Variants in SRD5A1 observed in about 807,000 individuals in gnomAD.
SRD5A1 encodes the protein steroid 5 alpha-reductase 1.
SRD5A1 carries 22 observed loss-of-function variants against 28.2 expected under a neutral mutation model. That is an observed-to-expected ratio of 0.78 (90% CI 0.56 to 1.12). The LOEUF (loss-of-function observed/expected upper bound fraction) is 1.12, where lower values mean the gene tolerates loss of function less well. Ranked by LOEUF, SRD5A1 falls within the 50% of genes most tolerant of loss-of-function variation. The pLI is 0.00. For synonymous variants in SRD5A1, 151 were observed against 135.0 expected (o/e 1.12, Z -0.82); for missense variants, 300 against 346.7 (o/e 0.87, Z 1.07).
intron 3 of SRD5A1, 54 bp downstream of exon 3, chr5:6,656,233 C>A: frequency 1.4e-6 from 2 of 1,446,898 alleles, no homozygotes; most frequent in Middle Eastern, 1.7e-4. Flanking sequence ...TGGTTCCTGG[C>A]TATTTTAGTG....
chr5:6,636,737 T>C (rs1389024643), intron 1 of SRD5A1, among the ~76,000 whole-genome samples: 1 of 152,204 alleles, frequency 6.6e-6, no homozygotes, highest in Non-Finnish European at 1.5e-5. Flanking sequence ...CATGTATTTA[T>C]TCAGCAAACA....
In SRD5A1 at chr5:6,635,282, C is replaced by T. The variant is rs966149204; in HGVS notation, c.293+1413C>T. ...ACATTCATCAGAGGCTTAGTGAGTA[C>T]TGTGTGCCTGAAACTCTTTACCATT... On this transcript the variant is annotated intron_variant, in intron 1 of 4. Transcript: ENST00000274192. Among the ~76,000 whole-genome samples, 42 of 152,174 alleles carry T rather than the reference C, an allele frequency of 2.8e-4. 1 individual carries two copies. Among genetic ancestry groups the T allele is most frequent in the Admixed American group, 6.5e-5 (1 of 15,272 alleles).
rs1739253339 is a variant in SRD5A1, at chr5:6,668,338, A to G, written c.*70A>G. 2 of 923,252 alleles carry G rather than the reference A, an allele frequency of 2.2e-6. No homozygotes were observed. Among genetic ancestry groups the G allele is most frequent in the African/African-American group, 1.7e-5 (1 of 58,290 alleles). The allele number at this position is 923,252 out of a possible 1,614,324, so 57.2% of individuals were successfully genotyped here. On this transcript the variant is annotated 3_prime_UTR_variant, in exon 5 of 5. Transcript: ENST00000274192. ...GCGCTTCTCTATGGACTTTGTAAAT[A>G]AGTTATATCTTTGTAATTTTCCTGC...
chr5:6,646,726 G>A (rs1738521319), intron 1 of SRD5A1, among the ~76,000 whole-genome samples: 1 of 151,828 alleles, frequency 6.6e-6, no homozygotes, highest in South Asian at 2.1e-4. Flanking sequence ...CAAAAAACCA[G>A]CTCCTAGATT....
chr5:6,668,210 T>G lies in SRD5A1; in HGVS notation c.722T>G (p.Leu241Arg), dbSNP rs747095770. 6.3e-7 allele frequency: 1 copy of G among 1,578,848 alleles called. No homozygotes were observed. Among genetic ancestry groups the G allele is most frequent in the South Asian group, 1.2e-5 (1 of 84,452 alleles). Residue 241 changes from leucine to arginine, a missense_variant, in exon 5 of 5, where the codon CTC becomes CGC. Coordinates refer to ENST00000274192, the MANE Select transcript of SRD5A1 (RefSeq NM_001047.4). The part of the protein sequence containing the change: ...GRAKEHHEWY[L>R]RKFEEYPKFR... ...TAATTTTTTTTTCTTAGGTGGTACC[T>G]CCGGAAATTTGAAGAGTATCCAAAG...
chr5:6,663,345 G>A (rs1049863212), intron 4 of SRD5A1, among the ~76,000 whole-genome samples: 1 of 152,238 alleles, frequency 6.6e-6, no homozygotes, highest in Admixed American at 6.5e-5. Flanking sequence ...TCCTGAAGAG[G>A]TAGGTGAATC....
intron 1 of SRD5A1, among the ~76,000 whole-genome samples, chr5:6,651,429 A>G (rs1364638865): frequency 6.6e-6 from 1 of 152,232 alleles, no homozygotes; most frequent in African/African-American, 2.4e-5. Context: ...ACAACAAGGC[A>G]GGAAGATCAC....
intron 2 of SRD5A1, among the ~76,000 whole-genome samples, chr5:6,655,628 C>T (rs539804120): frequency 1.3e-5 from 2 of 152,326 alleles, no homozygotes; most frequent in South Asian, 2.1e-4. Context: ...CAAGGGGTGA[C>T]GTACAGCCAG....
At chr5:6,654,249 G>A (rs2126541356) in intron 2 of SRD5A1, among the ~76,000 whole-genome samples, 1 of 151,812 alleles carries the variant, frequency 6.6e-6, no homozygotes, top group East Asian at 1.9e-4. Context: ...TAAAGACAGG[G>A]TTTCATCATG....
intron 1 of SRD5A1, among the ~76,000 whole-genome samples, chr5:6,641,921 A>G (rs1488210366): frequency 6.6e-6 from 1 of 152,238 alleles, no homozygotes. Flanking sequence ...TCTCCAAAAT[A>G]TAACACACTT....
chr5:6,667,016 G>C lies in SRD5A1; in HGVS notation c.714-1186G>C, dbSNP rs576909770. Among the ~76,000 whole-genome samples, 3 of 152,362 alleles carry C rather than the reference G, an allele frequency of 2.0e-5. No homozygotes were observed. In the East Asian group the frequency reaches 5.8e-4, roughly 29 times the overall value. ...GCCAGTGCCGCTGGCCCATGGGGAAGCTCTTCAGCACTTGCAAGTGCTGGA... is the reference window on the plus strand; with the variant it reads ...GCCAGTGCCGCTGGCCCATGGGGAACCTCTTCAGCACTTGCAAGTGCTGGA... On this transcript the variant is annotated intron_variant, in intron 4 of 4. Transcript: ENST00000274192.
In SRD5A1 at chr5:6,662,943, T is replaced by C. The variant is rs1364898898; in HGVS notation, c.690T>C (p.Ser230=). ...AFAFFTFCFL[S]GRAKEHHEWY... The stretch of plus-strand genomic sequence containing the variant: ...CTTTCTTCACGTTTTGTTTTTTATC[T>C]GGTAGAGCAAAAGAGCATCATGAGT... The change falls in exon 4 of 5, where the codon TCT becomes TCC. Residue 230 remains serine, a synonymous_variant. Transcript: ENST00000274192. The C allele has an allele frequency of 6.2e-7, 1 of 1,614,236 alleles. No individual in the cohort carries two copies. Among genetic ancestry groups the C allele is most frequent in the Middle Eastern group, 1.7e-4 (1 of 6,060 alleles).
At chr5:6,639,904 T>G (rs1358114652) in intron 1 of SRD5A1, among the ~76,000 whole-genome samples, 3 of 152,268 alleles carry the variant, frequency 2.0e-5, no homozygotes, top group African/African-American at 7.2e-5. Flanking sequence ...TGTGGTATTA[T>G]CTTTTTCCCA....
chr5:6,656,246 G>A, intron 3 of SRD5A1, 67 bp downstream of exon 3: 2 of 1,299,202 alleles, frequency 1.5e-6, no homozygotes, highest in East Asian at 2.4e-5. Flanking sequence ...TTTTAGTGTT[G>A]CCAGCTCTAA....
At chr5:6,637,796 TC>T (rs1252756848) in intron 1 of SRD5A1, among the ~76,000 whole-genome samples, 3 of 152,210 alleles carry the variant, frequency 2.0e-5, no homozygotes, top group African/African-American at 7.2e-5. Context: ...CTGACACCTG[TC>T]CCAGGTTTGT....
intron 3 of SRD5A1, 112 bp downstream of exon 3, chr5:6,656,291 T>C (rs1164033912): frequency 1.3e-6 from 1 of 799,702 alleles, no homozygotes; most frequent in East Asian, 2.7e-5. Flanking sequence ...GCTACAAGTT[T>C]TCAGTGTAAG....
Position 6,662,893 on chromosome 5 carries a change from T to C in SRD5A1, c.640T>C (p.Trp214Arg), listed in dbSNP as rs1332219099. 1 of 1,613,760 alleles carries C rather than the reference T, an allele frequency of 6.2e-7. No individual in the cohort carries two copies. Among genetic ancestry groups the C allele is most frequent in the African/African-American group, 1.3e-5 (1 of 75,040 alleles). Residue 214 changes from tryptophan (W) to arginine (R), a missense_variant, in exon 4 of 5, where the codon TGG becomes CGG. By Grantham distance (101) the Trp-to-Arg change is moderately radical. Transcript: ENST00000274192. ...MEWCGYALAS[W>R]SVQGAAFAFF... Reference sequence around the variant, plus strand: ...GTGGTGTGGCTATGCCCTGGCCAGCTGGTCTGTCCAAGGCGCGGCTTTTGC... The same window carrying C: ...GTGGTGTGGCTATGCCCTGGCCAGCCGGTCTGTCCAAGGCGCGGCTTTTGC...
At chr5:6,644,843 C>T (rs1342947545) in intron 1 of SRD5A1, 1 of 455,758 alleles carries the variant, frequency 2.2e-6, no homozygotes, top group East Asian at 7.0e-5. Context: ...AGTGTGCCTA[C>T]ATCCCAAATG....
chr5:6,654,624 G>A (rs565722010), intron 2 of SRD5A1, among the ~76,000 whole-genome samples: 1 of 152,080 alleles, frequency 6.6e-6, no homozygotes, highest in South Asian at 2.1e-4. Flanking sequence ...GTAGAGATGG[G>A]GTTTCACCAT....
Sources: allele counts gnomAD v4.1 joint callset (sites outside exome capture counted in the v4.1 genomes callset), GRCh38; gene constraint gnomAD v4.1.1; transcripts MANE v1.5; gene names NCBI Gene and HGNC (gene_info 2026-07-23, HGNC 2026-07-21).